TPRG1: variants seen among roughly 807,000 people sequenced by gnomAD.
TPRG1 encodes the protein tumor protein p63-regulated gene 1 protein.
TPRG1 carries 29 observed loss-of-function variants against 29.3 expected under a neutral mutation model. The observed-to-expected ratio is 0.99, with a 90% CI of 0.74 to 1.35. The LOEUF (loss-of-function observed/expected upper bound fraction) is 1.35, where lower values mean the gene tolerates loss of function less well. Among genes scored for constraint, TPRG1 ranks in the 40% most tolerant of loss-of-function variants. The pLI, the probability that TPRG1 is intolerant of heterozygous loss-of-function variation, is 0.00. For missense variants in TPRG1, 327 were observed against 335.0 expected (o/e 0.98, Z 0.19); for synonymous variants, 130 against 116.8 (o/e 1.11, Z -0.73).
intron 1 of TPRG1, among the ~76,000 whole-genome samples, chr3:189,119,431 G>T (rs950443064): frequency 6.6e-6 from 1 of 152,216 alleles, no homozygotes; most frequent in Non-Finnish European, 1.5e-5. Context: ...GACTTTGGGG[G>T]ACTGTTGGAG....
chr3:189,120,541 A>G (rs1342275865), intron 1 of TPRG1, among the ~76,000 whole-genome samples: 1 of 152,208 alleles, frequency 6.6e-6, no homozygotes, highest in Non-Finnish European at 1.5e-5. Flanking sequence ...CTGACATTTA[A>G]AAAAATGCTT....
At chr3:189,169,469 A>C (rs1728554292), upstream of TPRG1, among the ~76,000 whole-genome samples, 1 of 152,138 alleles carries the variant, frequency 6.6e-6, no homozygotes, top group Non-Finnish European at 1.5e-5. Context: ...CCGGCCTGTA[A>C]AGGTTATTAT....
intron 2 of TPRG1, among the ~76,000 whole-genome samples, chr3:189,213,349 C>T (rs1735567618): frequency 6.6e-6 from 1 of 152,052 alleles, no homozygotes; most frequent in Non-Finnish European, 1.5e-5. Flanking sequence ...AGACACAAGT[C>T]AATGTATTTA....
Position 189,119,603 on chromosome 3 carries a change from G to T in TPRG1, c.-743-7454G>T, listed in dbSNP as rs560637333. ...CAGTGGGAGGTAATGAAATCACAGAGGCAGTTACCCCTATGCTGTTCCTGT... is the reference window on the plus strand; with the variant it reads ...CAGTGGGAGGTAATGAAATCACAGATGCAGTTACCCCTATGCTGTTCCTGT... On this transcript the variant is annotated intron_variant, in intron 1 of 6. Coordinates refer to the TPRG1 transcript ENST00000412373. Among the ~76,000 whole-genome samples, 4 of 152,270 alleles carry T rather than the reference G, an allele frequency of 2.6e-5. No homozygotes were observed. The South Asian group carries it at 6.2e-4, about 24-fold the overall frequency.
chr3:189,040,982 C>T (rs1714596433), intron 4 of TPRG1, among the ~76,000 whole-genome samples: 1 of 152,196 alleles, frequency 6.6e-6, no homozygotes, highest in African/African-American at 2.4e-5. Context: ...CCACAGTCTT[C>T]TGGTCTTTCC....
At chr3:189,260,264 A>G (rs924023597) in intron 4 of TPRG1, among the ~76,000 whole-genome samples, 1 of 152,196 alleles carries the variant, frequency 6.6e-6, no homozygotes, top group South Asian at 2.1e-4. Context: ...TATAGTAAGC[A>G]TTTGAATTAC....
At chr3:189,168,310 G>C (rs1728397006), upstream of TPRG1, among the ~76,000 whole-genome samples, 1 of 151,892 alleles carries the variant, frequency 6.6e-6, no homozygotes, top group Non-Finnish European at 1.5e-5. Flanking sequence ...TAAATAGAGA[G>C]AGAAAAAAAG....
intron 4 of TPRG1, among the ~76,000 whole-genome samples, chr3:189,277,970 C>T (rs1325695603): frequency 4.6e-5 from 7 of 152,168 alleles, no homozygotes; most frequent in African/African-American, 1.7e-4. Flanking sequence ...TCTGAAGCCA[C>T]GTCGAAGCCT....
At chr3:189,255,537 T>C (rs954284809) in intron 4 of TPRG1, among the ~76,000 whole-genome samples, 1 of 152,246 alleles carries the variant, frequency 6.6e-6, no homozygotes, top group African/African-American at 2.4e-5. Context: ...TCTGGTCTCA[T>C]AAAATGAGTT....
At chr3:189,193,132 A>ATTTTTTTT (rs555964454) in intron 1 of TPRG1, among the ~76,000 whole-genome samples, 18 of 90,252 alleles carry the variant, frequency 2.0e-4, no homozygotes, top group African/African-American at 3.1e-4. Flanking sequence ...TTGACTTTTA[A>ATTTTTTTT]TTTTTTTTTT....
chr3:189,178,074 T>C (rs11920322), intron 1 of TPRG1, among the ~76,000 whole-genome samples: 17,883 of 152,218 alleles, frequency 0.12, 1,292 homozygotes, highest in African/African-American at 0.19. Flanking sequence ...TGCAGCAGTG[T>C]GCTGGCACAG....
chr3:189,284,259 G>A (rs186573426), intron 4 of TPRG1, among the ~76,000 whole-genome samples: 26 of 150,436 alleles, frequency 1.7e-4, no homozygotes, highest in Admixed American at 1.7e-3. Context: ...GTGCAGGTTA[G>A]TTACCTATGT....
chr3:189,160,208 G>T (rs758956919), intron 5 of TPRG1, among the ~76,000 whole-genome samples: 2 of 152,138 alleles, frequency 1.3e-5, no homozygotes, highest in Non-Finnish European at 2.9e-5. Context: ...TGGAGTGAAT[G>T]AAAAGATCCC....
intron 3 of TPRG1, among the ~76,000 whole-genome samples, chr3:189,022,695 T>C (rs945021818): frequency 2.6e-5 from 4 of 152,222 alleles, no homozygotes; most frequent in East Asian, 1.9e-4. Flanking sequence ...GTCTATGCCC[T>C]GCCCCCAGAG....
chr3:189,113,055 G>A (rs1358818624), intron 1 of TPRG1, among the ~76,000 whole-genome samples: 2 of 152,064 alleles, frequency 1.3e-5, no homozygotes, highest in African/African-American at 4.8e-5. Flanking sequence ...ATTTCCTTGA[G>A]CAGTGGTTTG....
intron 4 of TPRG1, among the ~76,000 whole-genome samples, chr3:189,093,740 G>C (rs560910799): frequency 2.0e-4 from 31 of 152,204 alleles, no homozygotes; most frequent in South Asian, 1.7e-3. Flanking sequence ...TCGGGTTCTG[G>C]GAAATTTGAA....
At chr3:189,270,453 A>C (rs1714921565) in intron 4 of TPRG1, among the ~76,000 whole-genome samples, 1 of 152,216 alleles carries the variant, frequency 6.6e-6, no homozygotes, top group Admixed American at 6.5e-5. Flanking sequence ...TAGACTGTGG[A>C]ACCTCAGAAT....
At chr3:189,256,044 T>C (rs1343712225) in intron 4 of TPRG1, among the ~76,000 whole-genome samples, 2 of 152,154 alleles carry the variant, frequency 1.3e-5, no homozygotes, top group Non-Finnish European at 2.9e-5. Flanking sequence ...TTATTTCTTG[T>C]CTTCTGCTAG....
intron 4 of TPRG1, among the ~76,000 whole-genome samples, chr3:189,303,245 A>C (rs1184375372): frequency 6.6e-6 from 1 of 152,208 alleles, no homozygotes; most frequent in Non-Finnish European, 1.5e-5. Context: ...AGTAATTAAA[A>C]ATAGCTATTT....
Sources: allele counts gnomAD v4.1 joint callset (sites outside exome capture counted in the v4.1 genomes callset), GRCh38; gene constraint gnomAD v4.1.1; transcripts MANE v1.5; gene names NCBI Gene and HGNC (gene_info 2026-07-23, HGNC 2026-07-21).